DNAAF4: variants seen among roughly 807,000 people sequenced by gnomAD.
DNAAF4 encodes the protein dynein assembly factor 4, axonemal.
A neutral mutation model predicts 51.8 loss-of-function variants in DNAAF4; 43 were observed. The ratio of observed to expected loss-of-function variants is 0.83; its 90% CI spans 0.65 to 1.07. The LOEUF (loss-of-function observed/expected upper bound fraction) is 1.07. Ranked by LOEUF, DNAAF4 falls within the 50% of genes least tolerant of loss-of-function variation. The pLI is 0.00. For missense variants in DNAAF4, 581 were observed against 493.0 expected, an observed-to-expected ratio of 1.18 and a Z score of -1.69; for synonymous variants, 194 against 165.6, an observed-to-expected ratio of 1.17 and a Z score of -1.32.
chr15:55,425,478 T>C (rs1284211711), downstream of DNAAF4, among the ~76,000 whole-genome samples: 1 of 152,182 alleles, frequency 6.6e-6, no homozygotes, highest in African/African-American at 2.4e-5. Flanking sequence ...TGAGCCTAGT[T>C]CTTTTTCATT....
intron 7 of DNAAF4, among the ~76,000 whole-genome samples, chr15:55,423,132 A>C (rs1333002385): frequency 6.6e-6 from 1 of 151,896 alleles, no homozygotes; most frequent in African/African-American, 2.4e-5. Flanking sequence ...CACACTGAAC[A>C]GATAAATGGG....
chr15:55,497,337 C>T (rs1452592118), intron 3 of DNAAF4, among the ~76,000 whole-genome samples: 2 of 151,978 alleles, frequency 1.3e-5, no homozygotes, highest in African/African-American at 2.4e-5. Context: ...GGCTCGCACC[C>T]GTAATCCCAG....
chr15:55,439,449 T>C (rs552988537), intron 7 of DNAAF4, 23 bp downstream of exon 7: 10 of 1,575,110 alleles, frequency 6.3e-6, no homozygotes, highest in African/African-American at 4.0e-5. Context: ...ATAAAGCTCA[T>C]GATCAGAGTT....
rs1030845708 is a variant in DNAAF4 at position 55,477,160 on chromosome 15, A to C, written c.406-9999T>G. On this transcript the variant is annotated intron_variant, in intron 4 of 9. Transcript: ENST00000321149. Reference sequence around the variant, plus strand: ...GTACTCCAGCCTGGGCAACAGAATGAAACTCCAACTCAAAAAAAAAATAAA... The same window carrying C: ...GTACTCCAGCCTGGGCAACAGAATGCAACTCCAACTCAAAAAAAAAATAAA... Among the ~76,000 whole-genome samples the C allele has an allele frequency of 3.3e-5, 5 of 151,926 alleles. No homozygotes were observed. The East Asian group carries it at 7.7e-4, about 23-fold the overall frequency.
rs188104949 is a variant in DNAAF4 at position 55,470,113 on chromosome 15, A to G, written c.406-2952T>C. 2.6e-3 allele frequency among the ~76,000 whole-genome samples: 385 copies of G among 149,184 alleles called. 5 individuals are homozygous for G. The highest frequency in any genetic ancestry group is 8.6e-3 in the East Asian group (43 of 4,974). ...GTTGCCCAGGCTGGAGTGCAGTGGC[A>G]CGATCTCGGCTCACTGCAACCTCCG... is the stretch of plus-strand genomic sequence containing the variant. On this transcript the variant is annotated intron_variant, in intron 4 of 9. Transcript: ENST00000321149.
At chr15:55,447,760 A>G (rs1004385870) in intron 6 of DNAAF4, among the ~76,000 whole-genome samples, 5 of 138,450 alleles carry the variant, frequency 3.6e-5, no homozygotes, top group African/African-American at 1.1e-4. Flanking sequence ...CCTCAGCAAC[A>G]GAGGGAGACC....
chr15:55,488,817 G>A (rs966938133), intron 4 of DNAAF4, among the ~76,000 whole-genome samples: 2 of 152,064 alleles, frequency 1.3e-5, no homozygotes, highest in East Asian at 1.9e-4. Context: ...AGCTGGGTGC[G>A]GCAGCTCACA....
At chr15:55,473,359 ATGTG>A (rs375640196) in intron 4 of DNAAF4, among the ~76,000 whole-genome samples, 55 of 133,422 alleles carry the variant, frequency 4.1e-4, no homozygotes, top group African/African-American at 8.6e-4. Flanking sequence ...GTGTATATAT[ATGTG>A]TGTGTGTATA....
intron 4 of DNAAF4, among the ~76,000 whole-genome samples, chr15:55,477,541 AG>A (rs1461775131): frequency 7.0e-4 from 107 of 152,290 alleles, no homozygotes; most frequent in African/African-American, 2.4e-3. Context: ...GAACTGAGTC[AG>A]TATTAACCTG....
intron 4 of DNAAF4, among the ~76,000 whole-genome samples, chr15:55,469,069 G>A (rs570337017): frequency 1.9e-4 from 29 of 152,208 alleles, no homozygotes; most frequent in African/African-American, 5.3e-4. Context: ...GGTGGCTCAC[G>A]CCTGAAATCC....
chr15:55,479,691 A>G (rs888602180), intron 4 of DNAAF4, among the ~76,000 whole-genome samples: 1 of 152,128 alleles, frequency 6.6e-6, no homozygotes, highest in African/African-American at 2.4e-5. Context: ...AGGAATATTA[A>G]TATTAATACC....
intron 6 of DNAAF4, chr15:55,443,292 G>T: frequency 6.9e-7 from 1 of 1,445,716 alleles, no homozygotes. Flanking sequence ...GCAGGCGCCT[G>T]CCTACCGGTG....
intron 5 of DNAAF4, among the ~76,000 whole-genome samples, chr15:55,460,411 C>G (rs1216954661): frequency 1.3e-5 from 2 of 151,124 alleles, no homozygotes; most frequent in Non-Finnish European, 3.0e-5. Context: ...AACTCCTGAC[C>G]ACCCGTGATC....
intron 6 of DNAAF4, chr15:55,443,472 A>C (rs1440479130): frequency 5.4e-6 from 3 of 557,672 alleles, no homozygotes; most frequent in Non-Finnish European, 9.5e-6. Flanking sequence ...GTTGGTTCCA[A>C]GTCTTTGCTA....
At chr15:55,422,174 C>G (rs7180824) in intron 7 of DNAAF4, among the ~76,000 whole-genome samples, 1 of 152,068 alleles carries the variant, frequency 6.6e-6, no homozygotes, top group Non-Finnish European at 1.5e-5. Flanking sequence ...ATAAGTGTTA[C>G]GGGAAAAAAC....
chr15:55,433,374 G>T (rs1272650890), intron 8 of DNAAF4, among the ~76,000 whole-genome samples: 1 of 151,918 alleles, frequency 6.6e-6, no homozygotes, highest in Non-Finnish European at 1.5e-5. Context: ...ACTTTGGGAG[G>T]CCCAGGCGGG....
At chr15:55,449,162 G>A (rs1285270893) in intron 6 of DNAAF4, among the ~76,000 whole-genome samples, 1 of 149,520 alleles carries the variant, frequency 6.7e-6, no homozygotes, top group African/African-American at 2.4e-5. Context: ...ACTAATTTTT[G>A]TATTTTTAAT....
chr15:55,491,294 C>T, intron 3 of DNAAF4, 38 bp from the exon 4 acceptor site: 1 of 1,579,282 alleles, frequency 6.3e-7, no homozygotes, highest in Non-Finnish European at 8.6e-7. Flanking sequence ...AGAATTATGA[C>T]AAATTTGCTT....
At chr15:55,444,438 T>C (rs1208211847) in intron 6 of DNAAF4, among the ~76,000 whole-genome samples, 2 of 152,226 alleles carry the variant, frequency 1.3e-5, no homozygotes, top group Non-Finnish European at 2.9e-5. Flanking sequence ...GCTGTTTTGG[T>C]TACTGTAGCC....
Sources: allele counts gnomAD v4.1 joint callset (sites outside exome capture counted in the v4.1 genomes callset), GRCh38; gene constraint gnomAD v4.1.1; transcripts MANE v1.5; gene names NCBI Gene and HGNC (gene_info 2026-07-23, HGNC 2026-07-21).